SH3GL3: variants seen among roughly 807,000 people sequenced by gnomAD.
SH3GL3 encodes endophilin-A3.
In SH3GL3, 33 loss-of-function variants were observed where a neutral mutation model predicts 47.7. The ratio of observed to expected loss-of-function variants is 0.69; its 90% confidence interval spans 0.52 to 0.92. The LOEUF is 0.92. SH3GL3 is among the 40% of genes least tolerant of loss of function. SH3GL3 has a pLI of 0.00. For missense variants in SH3GL3, 363 were observed against 417.8 expected (o/e 0.87, Z 1.14); for synonymous variants, 155 against 148.8 (o/e 1.04, Z -0.30).
At chr15:83,458,342 A>T (rs191173562) in intron 1 of SH3GL3, among the ~76,000 whole-genome samples, 115 of 152,278 alleles carry the variant, frequency 7.6e-4, no homozygotes, top group Non-Finnish European at 1.5e-3. Context: ...GGTCATCCCA[A>T]TGTTTTTACC....
chr15:83,519,957 G>A (rs1179628949), intron 1 of SH3GL3, among the ~76,000 whole-genome samples: 1 of 152,202 alleles, frequency 6.6e-6, no homozygotes, highest in Non-Finnish European at 1.5e-5. Context: ...AAGCTAACAA[G>A]TTAGCCTGCC....
chr15:83,550,967 T>G (rs1396297218), intron 1 of SH3GL3, among the ~76,000 whole-genome samples: 1 of 152,172 alleles, frequency 6.6e-6, no homozygotes, highest in Non-Finnish European at 1.5e-5. Flanking sequence ...GCTGTTTAAT[T>G]TCTTGCTTCA....
Position 83,447,884 on chromosome 15 carries a change from T to TG in SH3GL3, c.45+313dup, listed in dbSNP as rs918838814. Among the ~76,000 whole-genome samples the TG allele has an allele frequency of 1.3e-5, 2 of 151,390 alleles. No individual in the cohort carries two copies. The highest frequency in any genetic ancestry group is 1.3e-4 in the Admixed American group (2 of 15,228). On this transcript the variant is annotated intron_variant, in intron 1 of 8. Coordinates refer to ENST00000427482, the MANE Select transcript of SH3GL3 (RefSeq NM_003027.5). The surrounding 1 kb of genome is among the most constrained non-coding windows in gnomAD (Gnocchi z 5.1). ...TCGGGAGGCGGAGACGGAGTGGGCG[T>TG]GGGGGGGCCCCTACCCGCGCGAGGG...
intron 8 of SH3GL3, among the ~76,000 whole-genome samples, chr15:83,606,332 C>T (rs775031443): frequency 3.3e-5 from 5 of 152,138 alleles, no homozygotes; most frequent in Admixed American, 6.5e-5. Flanking sequence ...AGCCTAAATC[C>T]TTCCCCTCAT....
intron 8 of SH3GL3, among the ~76,000 whole-genome samples, chr15:83,616,886 C>T (rs191787349): frequency 7.9e-5 from 12 of 152,006 alleles, no homozygotes; most frequent in Non-Finnish European, 1.6e-4. Context: ...CGTAAATGTC[C>T]AACAATAGGA....
chr15:83,570,091 C>T (rs1004280287), intron 4 of SH3GL3, among the ~76,000 whole-genome samples: 3 of 152,148 alleles, frequency 2.0e-5, no homozygotes, highest in African/African-American at 7.2e-5. Context: ...ATCCCACTCC[C>T]TGGCAAATGA....
chr15:83,456,389 C>CG (rs2039963256), intron 1 of SH3GL3, among the ~76,000 whole-genome samples: 1 of 46,136 alleles, frequency 2.2e-5, no homozygotes, highest in Non-Finnish European at 4.8e-5. Flanking sequence ...TGGGCAATGG[C>CG]GGGCCCCCCT....
the SH3GL3 span, among the ~76,000 whole-genome samples, chr15:83,628,083 A>C: frequency 6.6e-6 from 1 of 152,218 alleles, no homozygotes; most frequent in African/African-American, 2.4e-5. Context: ...CAGGGCACTC[A>C]AACACACATT....
rs74464477 is a variant in SH3GL3 at position 83,475,758 on chromosome 15, C to T, written c.45+28180C>T. ...TTTTCTCATGACTTCGCACTTACAG[C>T]GCACAGAAATCTGAGGTCTGTAGAC... On this transcript the variant is annotated intron_variant, in intron 1 of 8. Coordinates refer to ENST00000427482, the MANE Select transcript of SH3GL3 (RefSeq NM_003027.5). Among the ~76,000 whole-genome samples the T allele has an allele frequency of 1.6e-3, 238 of 152,326 alleles. 5 individuals are homozygous for T. The East Asian group carries it at 0.036, about 23-fold the overall frequency.
chr15:83,549,696 A>G (rs2044567835), intron 1 of SH3GL3, among the ~76,000 whole-genome samples: 1 of 152,176 alleles, frequency 6.6e-6, no homozygotes, highest in Admixed American at 6.5e-5. Context: ...CTCAAGAGGA[A>G]ATTGAACATA....
At chr15:83,564,802 C>G (rs113823007) in intron 2 of SH3GL3, among the ~76,000 whole-genome samples, 55 of 152,172 alleles carry the variant, frequency 3.6e-4, no homozygotes, top group South Asian at 2.7e-3. Context: ...TGGTTCATAT[C>G]TAGTGTTAGT....
intron 1 of SH3GL3, among the ~76,000 whole-genome samples, chr15:83,550,547 G>A (rs779552434): frequency 3.3e-5 from 5 of 151,968 alleles, no homozygotes; most frequent in Non-Finnish European, 7.4e-5. Context: ...GCACCACCAT[G>A]CCTGGCTAAT....
chr15:83,527,636 A>G (rs1819647807), intron 1 of SH3GL3, among the ~76,000 whole-genome samples: 1 of 152,118 alleles, frequency 6.6e-6, no homozygotes, highest in Non-Finnish European at 1.5e-5. Context: ...TATGGGTGGC[A>G]TATAGTTGGC....
chr15:83,457,361 G>T (rs570018028), intron 1 of SH3GL3, among the ~76,000 whole-genome samples: 15 of 152,316 alleles, frequency 9.8e-5, no homozygotes, highest in African/African-American at 2.9e-4. Context: ...AGCAACACAT[G>T]CCAGAGGTTA....
At chr15:83,459,373 C>T (rs1020187697) in intron 1 of SH3GL3, among the ~76,000 whole-genome samples, 3 of 152,198 alleles carry the variant, frequency 2.0e-5, no homozygotes, top group African/African-American at 7.2e-5. Context: ...CAACGTTAGC[C>T]ATCACACTAG....
the SH3GL3 span, among the ~76,000 whole-genome samples, chr15:83,628,025 C>G: frequency 6.6e-6 from 1 of 152,296 alleles, no homozygotes; most frequent in South Asian, 2.1e-4. Context: ...CTACCACAAC[C>G]TCTTGCTACA....
chr15:83,583,965 T>A (rs2059897477), intron 6 of SH3GL3, among the ~76,000 whole-genome samples: 1 of 152,116 alleles, frequency 6.6e-6, no homozygotes, highest in African/African-American at 2.4e-5. Context: ...TTTGCATAGT[T>A]TGAGGATGGG....
Position 83,586,983 on chromosome 15 carries a change from G to C in SH3GL3, c.625G>C (p.Val209Leu). The C allele has an allele frequency of 6.3e-7, 1 of 1,589,642 alleles. No homozygotes were observed. ...GAATAATTTTGCACTTCTGCTGCAG[G>C]TAGAACAAGTCAGCCAGTTGGCTGT... is the stretch of plus-strand genomic sequence containing the variant. ...RSMFNFLEND[V>L]EQVSQLAVFI... Residue 209 changes from valine (V) to leucine (L), a missense_variant and splice_region_variant, in exon 7 of 9, where the codon GTA becomes CTA. Val to Leu is a conservative substitution (Grantham distance 32, BLOSUM62 1). Coordinates refer to ENST00000427482, the MANE Select transcript of SH3GL3 (RefSeq NM_003027.5).
chr15:83,556,616 A>G (rs1275279091), intron 1 of SH3GL3, among the ~76,000 whole-genome samples: 1 of 152,238 alleles, frequency 6.6e-6, no homozygotes, highest in Non-Finnish European at 1.5e-5. Flanking sequence ...GGTTATTTTA[A>G]AACGTGGATC....
Sources: allele counts gnomAD v4.1 joint callset (sites outside exome capture counted in the v4.1 genomes callset), GRCh38; gene constraint gnomAD v4.1.1; non-coding constraint Gnocchi (gnomAD v3.1); transcripts MANE v1.5; gene names NCBI Gene and HGNC (gene_info 2026-07-23, HGNC 2026-07-21).